Variants in ZNF12 observed in about 807,000 individuals in gnomAD.
The protein encoded by ZNF12 is zinc finger protein 12, also known as gonadotropin inducible transcription repressor 3.
In ZNF12, 34 loss-of-function variants were observed where a neutral mutation model predicts 66.6. The ratio of observed to expected loss-of-function variants is 0.51; its 90% CI spans 0.39 to 0.68. The LOEUF (loss-of-function observed/expected upper bound fraction) is 0.68. Ranked by LOEUF, ZNF12 falls within the 30% of genes least tolerant of loss-of-function variation. ZNF12 has a pLI of 0.00. For synonymous variants in ZNF12, 320 were observed against 278.9 expected (o/e 1.15, Z -1.47); for missense variants, 697 against 826.9 (o/e 0.84, Z 1.93).
At chr7:6,702,398 A>ACCCCG (rs1554294938) in intron 2 of ZNF12, among the ~76,000 whole-genome samples, 2 of 3,360 alleles carry the variant, frequency 6.0e-4, no homozygotes, top group Admixed American at 3.3e-3. Context: ...ACACACACAC[A>ACCCCG]ACCAGATTCG....
In ZNF12 at chr7:6,697,922, A is replaced by T. The variant is rs1052739196; in HGVS notation, c.16-111T>A. 7.5e-6 allele frequency: 9 copies of T among 1,207,340 alleles called. No individual in the cohort carries two copies. The highest frequency in any genetic ancestry group is 1.1e-5 in the Non-Finnish European group (9 of 816,860). The allele number at this position is 1,207,340 out of a possible 1,614,324, so 74.8% of individuals were successfully genotyped here. A position where few individuals can be genotyped will look rare whatever the true frequency, so the allele number is the denominator to read the frequency against. The stretch of plus-strand genomic sequence containing the variant: ...CATGAACACTGTATACCTTTATTTT[A>T]TGTTACAGACTGTCAAAGGGAAACA... On this transcript the variant is annotated intron_variant, in intron 2 of 4. Coordinates refer to ENST00000405858, the MANE Select transcript of ZNF12 (RefSeq NM_016265.4). The surrounding 1 kb of genome is among the most constrained non-coding windows in gnomAD (Gnocchi z 6.1).
Position 6,698,659 on chromosome 7 carries a change from G to C in ZNF12, c.16-848C>G, listed in dbSNP as rs977337987. On this transcript the variant is annotated intron_variant, in intron 2 of 4. Transcript: ENST00000405858. This position sits in a 1 kb window ranked among gnomAD's most constrained non-coding sequence, Gnocchi z 4.4. ...TCACATGAATTATCAGTAATAGCTTGGTTCAGGTTTTCCTAATTCCCAGCT... is the reference window on the plus strand; with the variant it reads ...TCACATGAATTATCAGTAATAGCTTCGTTCAGGTTTTCCTAATTCCCAGCT... 6.6e-6 allele frequency among the ~76,000 whole-genome samples: 1 copy of C among 152,186 alleles called. No homozygotes were observed. The highest frequency in any genetic ancestry group is 2.4e-5 in the African/African-American group (1 of 41,444).
Position 6,691,476 on chromosome 7 carries a change from C to G in ZNF12, c.1466G>C (p.Gly489Ala). 2 of 1,614,094 alleles carry G rather than the reference C, an allele frequency of 1.2e-6. No individual in the cohort carries two copies. The highest frequency in any genetic ancestry group is 1.7e-6 in the Non-Finnish European group (2 of 1,179,978). Reference protein sequence around the residue: ...ALMRHQRVHTGEKPYECNECG... With the variant: ...ALMRHQRVHTAEKPYECNECG... ...TTCATTACATTCGTAAGGTTTCTCT[C>G]CTGTGTGCACTCTCTGATGTCTCAT... The change falls in exon 5 of 5, where the codon GGA (glycine) becomes GCA (alanine). Residue 489 changes from glycine (G) to alanine (A), a missense_variant. By Grantham distance (60) the Gly-to-Ala change is moderately conservative. Coordinates refer to ENST00000405858, the MANE Select transcript of ZNF12 (RefSeq NM_016265.4).
intron 2 of ZNF12, among the ~76,000 whole-genome samples, 183 bp downstream of exon 2, chr7:6,704,976 A>G (rs1288136079): frequency 6.6e-6 from 1 of 152,182 alleles, no homozygotes; most frequent in Non-Finnish European, 1.5e-5. Flanking sequence ...AGAACTCTTT[A>G]AGGATCACGC....
Position 6,697,835 on chromosome 7 carries a change from T to C in ZNF12, c.16-24A>G, listed in dbSNP as rs375667131. The C allele has an allele frequency of 9.0e-5, 146 of 1,613,972 alleles. No individual in the cohort carries two copies. The African/African-American group carries it at 1.3e-3, about 14-fold the overall frequency. On this transcript the variant is annotated intron_variant, in intron 2 of 4. Transcript: ENST00000405858. The surrounding 1 kb of genome is among the most constrained non-coding windows in gnomAD (Gnocchi z 6.1). ...CCCTGAAATGGCACCGTGATTGGAA[T>C]TGGGTGACGTGAAATAGGCACATAG...
chr7:6,694,609 C>A (rs945076816), intron 4 of ZNF12, among the ~76,000 whole-genome samples: 2 of 152,174 alleles, frequency 1.3e-5, no homozygotes, highest in Non-Finnish European at 2.9e-5. Flanking sequence ...AGGTCATGAT[C>A]TATCTCTTAT....
rs1780167907 is a variant in ZNF12 at position 6,697,274 on chromosome 7, A to G, written c.238+65T>C. Reference sequence around the variant, plus strand: ...TAGTCACTTCTAAAGGTTCGGGACCATTAAAAAATCCCTGGGAAAAACACT... The same window carrying G: ...TAGTCACTTCTAAAGGTTCGGGACCGTTAAAAAATCCCTGGGAAAAACACT... On this transcript the variant is annotated intron_variant, in intron 4 of 4. Transcript: ENST00000405858. The surrounding 1 kb of genome is among the most constrained non-coding windows in gnomAD (Gnocchi z 6.1). The G allele has an allele frequency of 7.7e-7, 1 of 1,299,094 alleles. No individual in the cohort carries two copies. Among genetic ancestry groups the G allele is most frequent in the Admixed American group, 2.1e-5 (1 of 48,348 alleles). The allele number at this position is 1,299,094 out of a possible 1,614,324, so 80.5% of individuals were successfully genotyped here.
In ZNF12 at chr7:6,696,642, A is replaced by G. The variant is rs575907136; in HGVS notation, c.238+697T>C. On this transcript the variant is annotated intron_variant, in intron 4 of 4. Transcript: ENST00000405858. The surrounding 1 kb of genome is among the most constrained non-coding windows in gnomAD (Gnocchi z 4.0). ...TGGAGGTGGTGGAAGCATAAACCAGACTTCATTTGCGTATATGATACTTAC... is the reference window on the plus strand; with the variant it reads ...TGGAGGTGGTGGAAGCATAAACCAGGCTTCATTTGCGTATATGATACTTAC... Among the ~76,000 whole-genome samples the G allele has an allele frequency of 2.6e-3, 400 of 152,328 alleles. No individual in the cohort carries two copies. The highest frequency in any genetic ancestry group is 4.5e-3 in the Non-Finnish European group (305 of 68,034).
At position 6,690,476 on chromosome 7, in the gene ZNF12, T is replaced by G. The variant is rs1780048093; in HGVS notation, c.*372A>C. 6.2e-6 allele frequency: 1 copy of G among 160,670 alleles called. No homozygotes were observed. Among genetic ancestry groups the G allele is most frequent in the Non-Finnish European group, 1.3e-5 (1 of 74,098 alleles). 10.0% of individuals were successfully genotyped at this position (160,670 alleles called of 1,614,324 possible). On this transcript the variant is annotated 3_prime_UTR_variant, in exon 5 of 5. Coordinates refer to ENST00000405858, the MANE Select transcript of ZNF12 (RefSeq NM_016265.4). ...CTTTTTTTTTTTTCAAGTTTGCTATTGTATCAGAAACATATCTTTTAGTAT... is the reference window on the plus strand; with the variant it reads ...CTTTTTTTTTTTTCAAGTTTGCTATGGTATCAGAAACATATCTTTTAGTAT...
chr7:6,706,947 T>C lies in ZNF12; in HGVS notation c.-566A>G, dbSNP rs1178359137. ...GGGGACGCACAGGAAGCGAGGGCACTGCGGCCGCGGCGCGCATGCGCGAAC... is the reference window on the plus strand; with the variant it reads ...GGGGACGCACAGGAAGCGAGGGCACCGCGGCCGCGGCGCGCATGCGCGAAC... On this transcript the variant is annotated 5_prime_UTR_variant, in exon 1 of 5. Coordinates refer to ENST00000405858, the MANE Select transcript of ZNF12 (RefSeq NM_016265.4). The C allele has an allele frequency of 1.8e-5, 7 of 399,308 alleles. No individual in the cohort carries two copies. Among genetic ancestry groups the C allele is most frequent in the Non-Finnish European group, 3.0e-5 (6 of 201,806 alleles). The allele number at this position is 399,308 out of a possible 1,614,324, so 24.7% of individuals were successfully genotyped here.
chr7:6,698,536 A>G lies in ZNF12; in HGVS notation c.16-725T>C, dbSNP rs1005268719. Among the ~76,000 whole-genome samples the G allele has an allele frequency of 1.3e-5, 2 of 152,356 alleles. No homozygotes were observed. Among genetic ancestry groups the G allele is most frequent in the East Asian group, 3.9e-4 (2 of 5,194 alleles). Reference sequence around the variant, plus strand: ...CTGGAACCAACCCACAATATTTGACACAATTACCAAAATAACAAACAGGCT... The same window carrying G: ...CTGGAACCAACCCACAATATTTGACGCAATTACCAAAATAACAAACAGGCT... On this transcript the variant is annotated intron_variant, in intron 2 of 4. Transcript: ENST00000405858. The surrounding 1 kb of genome is among the most constrained non-coding windows in gnomAD (Gnocchi z 4.4).
chr7:6,698,842 C>T lies in ZNF12; in HGVS notation c.16-1031G>A, dbSNP rs1486326603. Among the ~76,000 whole-genome samples the T allele has an allele frequency of 6.6e-6, 1 of 152,192 alleles. No individual in the cohort carries two copies. The highest frequency in any genetic ancestry group is 1.5e-5 in the Non-Finnish European group (1 of 68,036). ...CCCATTCACAAGTACTCACACTAGC[C>T]ATTATAACTGTTTCCTTTAATATCA... On this transcript the variant is annotated intron_variant, in intron 2 of 4. Transcript: ENST00000405858. This position sits in a 1 kb window ranked among gnomAD's most constrained non-coding sequence, Gnocchi z 4.4.
chr7:6,704,489 G>A (rs1215780626), intron 2 of ZNF12, among the ~76,000 whole-genome samples: 2 of 150,336 alleles, frequency 1.3e-5, no homozygotes, highest in Non-Finnish European at 3.0e-5. Flanking sequence ...AGCACTTTGG[G>A]AGGCCGAGGC....
At chr7:6,695,850 T>C (rs1252598778) in intron 4 of ZNF12, among the ~76,000 whole-genome samples, 1 of 152,152 alleles carries the variant, frequency 6.6e-6, no homozygotes, top group Non-Finnish European at 1.5e-5. Flanking sequence ...ACTTAAAGAA[T>C]GTGTTATGTG....
rs752275892 is a variant in ZNF12 at position 6,692,350 on chromosome 7, G to T, written c.592C>A (p.Pro198Thr). Residue 198 changes from proline to threonine, a missense_variant, in exon 5 of 5, where the codon CCT becomes ACT. Around this residue, in one of 3 missense-constraint regions of ZNF12, gnomAD observed 241 missense variants for 224.0 expected, o/e 1.08. Coordinates refer to ENST00000405858, the MANE Select transcript of ZNF12 (RefSeq NM_016265.4). The surrounding 1 kb of genome is among the most constrained non-coding windows in gnomAD (Gnocchi z 5.1). ...AGACTTTCTTCATTTAGAGTATAAG[G>T]TTCCCCATTTTGATTAAATTCATAA... The part of the protein sequence containing the change: ...QAYEFNQNGE[P>T]YTLNEESLYQ... 3.1e-6 allele frequency: 5 copies of T among 1,609,858 alleles called. No homozygotes were observed. Among genetic ancestry groups the T allele is most frequent in the Non-Finnish European group, 4.2e-6 (5 of 1,178,070 alleles).
At chr7:6,694,994 G>C (rs1015976275) in intron 4 of ZNF12, among the ~76,000 whole-genome samples, 4 of 152,160 alleles carry the variant, frequency 2.6e-5, no homozygotes, top group African/African-American at 7.2e-5. Context: ...TGCGATCTCA[G>C]CTCACTGCAA....
At chr7:6,700,336 C>CACACACACACATATAT (rs59783256) in intron 2 of ZNF12, among the ~76,000 whole-genome samples, 25 of 143,016 alleles carry the variant, frequency 1.7e-4, no homozygotes, top group African/African-American at 6.6e-4. Context: ...CACACACACA[C>CACACACACACATATAT]ATATATATAC....
chr7:6,693,199 T>C (rs1562598975), intron 4 of ZNF12, among the ~76,000 whole-genome samples: 2 of 152,232 alleles, frequency 1.3e-5, no homozygotes, highest in Non-Finnish European at 2.9e-5. Flanking sequence ...ATTTAAGGCA[T>C]TAGCACTGTA....
chr7:6,698,558 G>A lies in ZNF12; in HGVS notation c.16-747C>T, dbSNP rs1369700403. Among the ~76,000 whole-genome samples, 1 of 152,152 alleles carries A rather than the reference G, an allele frequency of 6.6e-6. No individual in the cohort carries two copies. The highest frequency in any genetic ancestry group is 1.5e-5 in the Non-Finnish European group (1 of 68,032). ...GACACAATTACCAAAATAACAAACAGGCTGGGCAACACACATTCTAGTTTT... is the reference window on the plus strand; with the variant it reads ...GACACAATTACCAAAATAACAAACAAGCTGGGCAACACACATTCTAGTTTT... On this transcript the variant is annotated intron_variant, in intron 2 of 4. Coordinates refer to ENST00000405858, the MANE Select transcript of ZNF12 (RefSeq NM_016265.4). The surrounding 1 kb of genome is among the most constrained non-coding windows in gnomAD (Gnocchi z 4.4).
Sources: gnomAD v4.1 joint callset for allele counts (sites outside exome capture counted in the v4.1 genomes callset) on GRCh38, gnomAD v4.1.1 for gene constraint, gnomAD v4.1.1 regional missense constraint, Gnocchi (gnomAD v3.1) non-coding constraint, MANE v1.5 for transcripts, NCBI Gene and HGNC (gene_info 2026-07-23, HGNC 2026-07-21) for gene names.